Variants in SSTR1 observed in about 807,000 individuals in gnomAD.
SSTR1 encodes somatostatin receptor 1, also known as somatostatin receptor type 1.
Under a neutral mutation model 20.7 loss-of-function variants are expected in SSTR1, and 10 were observed. The observed-to-expected ratio is 0.48, with a 90% CI of 0.30 to 0.82. The LOEUF (loss-of-function observed/expected upper bound fraction) is 0.82. SSTR1 is among the 40% of genes least tolerant of loss of function. SSTR1 has a pLI of 0.07. For missense variants in SSTR1, 494 were observed against 540.0 expected (o/e 0.91, Z 0.84); for synonymous variants, 267 against 227.8 (o/e 1.17, Z -1.55).
At chr14:38,208,666 G>A (rs181688658) in intron 2 of SSTR1, 57 bp downstream of exon 2, 1 of 152,540 alleles carries the variant, frequency 6.6e-6, no homozygotes, top group African/African-American at 2.4e-5. Flanking sequence ...AGCGAGGGTG[G>A]GAAGAGGGAA....
In SSTR1 at chr14:38,210,021, T is replaced by C; in HGVS notation, c.632T>C (p.Leu211Pro). 1.9e-6 allele frequency: 3 copies of C among 1,614,194 alleles called. No homozygotes were observed. Among genetic ancestry groups the C allele is most frequent in the Non-Finnish European group, 2.5e-6 (3 of 1,180,052 alleles). ...GACGGCACGGTGGCTTGCAACATGC[T>C]CATGCCAGAGCCCGCTCAACGCTGG... ...NSDGTVACNM[L>P]MPEPAQRWLV... is the part of the protein sequence containing the mutation. Residue 211 changes from leucine to proline, a missense_variant, in exon 3 of 3, where the codon CTC (leucine) becomes CCC (proline). Leu to Pro is a moderately conservative substitution (Grantham distance 98). Around this residue, in one of 3 missense-constraint regions of SSTR1, gnomAD observed 280 missense variants for 286.1 expected, o/e 0.98. Transcript: ENST00000267377.
Position 38,209,460 on chromosome 14 carries a change from G to A in SSTR1, c.71G>A (p.Gly24Asp), listed in dbSNP as rs757857934. The part of the protein sequence containing the change: ...PSPSPGSCGE[G>D]GGSRGPGAGA... The stretch of plus-strand genomic sequence containing the variant: ...CCCAGCCCGGGCAGCTGCGGCGAAG[G>A]CGGCGGCAGCAGGGGCCCCGGGGCC... The change falls in exon 3 of 3, where the codon GGC becomes GAC. Residue 24 changes from glycine to aspartate, a missense_variant. Transcript: ENST00000267377. 5 of 1,555,610 alleles carry A rather than the reference G, an allele frequency of 3.2e-6. No homozygotes were observed. Among genetic ancestry groups the A allele is most frequent in the Non-Finnish European group, 2.6e-6 (3 of 1,151,870 alleles).
chr14:38,210,283 G>T lies in SSTR1; in HGVS notation c.894G>T (p.Glu298Asp). Residue 298 changes from glutamate to aspartate, a missense_variant, in exon 3 of 3, where the codon GAG becomes GAT. Coordinates refer to ENST00000267377, the MANE Select transcript of SSTR1 (RefSeq NM_001049.3). ...YVVQLVNVFA[E>D]QDDATVSQLS... Reference sequence around the variant, plus strand: ...TGCAGCTGGTCAACGTGTTTGCTGAGCAGGACGACGCCACGGTGAGTCAGC... The same window carrying T: ...TGCAGCTGGTCAACGTGTTTGCTGATCAGGACGACGCCACGGTGAGTCAGC... The T allele has an allele frequency of 6.2e-7, 1 of 1,614,208 alleles. No homozygotes were observed. Among genetic ancestry groups the T allele is most frequent in the Non-Finnish European group, 8.5e-7 (1 of 1,180,024 alleles).
At position 38,209,205 on chromosome 14, in the gene SSTR1, C is replaced by A; in HGVS notation, c.-185C>A. ...GCAAACTGCAGAGCCCAGGCAACCG[C>A]TGGGCTGTGCGCCCCGCCGGCGCCG... On this transcript the variant is annotated 5_prime_UTR_variant, in exon 3 of 3. The change creates a new upstream start codon in the 5' untranslated region. Coordinates refer to ENST00000267377, the MANE Select transcript of SSTR1 (RefSeq NM_001049.3). The A allele has an allele frequency of 1.5e-6, 1 of 669,740 alleles. No individual in the cohort carries two copies. 41.5% of individuals were successfully genotyped at this position (669,740 alleles called of 1,614,324 possible).
At position 38,211,582 on chromosome 14, in the gene SSTR1, G is replaced by A. The variant is rs1883330880; in HGVS notation, c.*1017G>A. On this transcript the variant is annotated 3_prime_UTR_variant, in exon 3 of 3. Coordinates refer to ENST00000267377, the MANE Select transcript of SSTR1 (RefSeq NM_001049.3). ...CGCCTTGGCTTTCTCCCTCACCCAA[G>A]TTTCCGGAGGAGCCGACCTAAAAGT... is the stretch of plus-strand genomic sequence containing the variant. 1 of 167,234 alleles carries A rather than the reference G, an allele frequency of 6.0e-6. No homozygotes were observed. The highest frequency in any genetic ancestry group is 1.9e-4 in the East Asian group (1 of 5,184). The allele number at this position is 167,234 out of a possible 1,614,324, so 10.4% of individuals were successfully genotyped here.
chr14:38,209,635 G>A lies in SSTR1; in HGVS notation c.246G>A (p.Val82=). The change falls in exon 3 of 3, where the codon GTG becomes GTA. Residue 82 remains valine, a synonymous_variant. Transcript: ENST00000267377. ...GTGGGAACTCTATGGTCATCTACGT[G>A]ATCCTGCGCTATGCCAAGATGAAGA... ...GLCGNSMVIY[V]ILRYAKMKTA... The A allele has an allele frequency of 1.2e-6, 2 of 1,614,096 alleles. No individual in the cohort carries two copies. The highest frequency in any genetic ancestry group is 1.7e-6 in the Non-Finnish European group (2 of 1,180,018).
In SSTR1 at chr14:38,210,346, C is replaced by T; in HGVS notation, c.957C>T (p.Asn319=). The T allele has an allele frequency of 6.2e-7, 1 of 1,614,250 alleles. No homozygotes were observed. Among genetic ancestry groups the T allele is most frequent in the Non-Finnish European group, 8.5e-7 (1 of 1,180,052 alleles). ...VILGYANSCA[N]PILYGFLSDN... is the part of the protein sequence containing the mutation. ...TCGGCTATGCCAACAGCTGCGCCAA[C>T]CCCATCCTCTATGGCTTTCTCTCAG... The change falls in exon 3 of 3, where the codon AAC becomes AAT. Residue 319 remains asparagine, a synonymous_variant. Transcript: ENST00000267377.
At position 38,209,652 on chromosome 14, in the gene SSTR1, AGAT is replaced by A. The variant is rs774199997; in HGVS notation, c.266_268del (p.Met89del). The stretch of plus-strand genomic sequence containing the variant: ...ATCTACGTGATCCTGCGCTATGCCA[AGAT>A]GAAGACGGCCACCAACATCTACATC... On this transcript the variant is annotated inframe_deletion, in exon 3 of 3. Transcript: ENST00000267377. 3.1e-6 allele frequency: 5 copies of A among 1,613,984 alleles called. No homozygotes were observed. The East Asian group carries it at 1.1e-4, about 36-fold the overall frequency.
rs1250617467 is a variant in SSTR1 at position 38,209,337 on chromosome 14, G to A, written c.-53G>A. The A allele has an allele frequency of 2.8e-6, 4 of 1,426,526 alleles. No individual in the cohort carries two copies. Among genetic ancestry groups the A allele is most frequent in the Middle Eastern group, 2.5e-4 (1 of 4,014 alleles). The allele number at this position is 1,426,526 out of a possible 1,614,324, so 88.4% of individuals were successfully genotyped here. A position where few individuals can be genotyped will look rare whatever the true frequency, so the allele number is the denominator to read the frequency against. The stretch of plus-strand genomic sequence containing the variant: ...GGGAGGGAGGGCGCAGGCGGCGGGT[G>A]CGCGAGGAGAAAGCCCCAGCCCTGG... On this transcript the variant is annotated 5_prime_UTR_variant, in exon 3 of 3. Coordinates refer to ENST00000267377, the MANE Select transcript of SSTR1 (RefSeq NM_001049.3).
In SSTR1 at chr14:38,210,513, C is replaced by T; in HGVS notation, c.1124C>T (p.Ser375Phe). Residue 375 changes from serine to phenylalanine, a missense_variant, in exon 3 of 3, where the codon TCC becomes TTC. Ser to Phe is a radical substitution (Grantham distance 155). Coordinates refer to ENST00000267377, the MANE Select transcript of SSTR1 (RefSeq NM_001049.3). ...VEDFQPENLESGGVFRNGTCT... is the reference protein window; with the variant it reads ...VEDFQPENLEFGGVFRNGTCT... ...GACTTCCAACCTGAGAACCTGGAGTCCGGCGGCGTCTTCCGTAATGGCACC... is the reference window on the plus strand; with the variant it reads ...GACTTCCAACCTGAGAACCTGGAGTTCGGCGGCGTCTTCCGTAATGGCACC... 3 of 1,611,278 alleles carry T rather than the reference C, an allele frequency of 1.9e-6. No individual in the cohort carries two copies. Among genetic ancestry groups the T allele is most frequent in the Non-Finnish European group, 2.5e-6 (3 of 1,178,608 alleles).
In SSTR1 at chr14:38,210,785, G is replaced by A; in HGVS notation, c.*220G>A. The A allele has an allele frequency of 7.4e-6, 9 of 1,218,622 alleles. No homozygotes were observed. Among genetic ancestry groups the A allele is most frequent in the Non-Finnish European group, 9.9e-6 (9 of 910,902 alleles). The allele number at this position is 1,218,622 out of a possible 1,614,324, so 75.5% of individuals were successfully genotyped here. A position where few individuals can be genotyped will look rare whatever the true frequency, so the allele number is the denominator to read the frequency against. Reference sequence around the variant, plus strand: ...AGTGAGAGCTTTGCTTATAAACTGGGAAGGCTTTCAGGCTACCTTTTTCTG... The same window carrying A: ...AGTGAGAGCTTTGCTTATAAACTGGAAAGGCTTTCAGGCTACCTTTTTCTG... On this transcript the variant is annotated 3_prime_UTR_variant, in exon 3 of 3. Coordinates refer to ENST00000267377, the MANE Select transcript of SSTR1 (RefSeq NM_001049.3).
Position 38,209,555 on chromosome 14 carries a change from G to C in SSTR1, c.166G>C (p.Gly56Arg). The C allele has an allele frequency of 6.2e-7, 1 of 1,608,238 alleles. No homozygotes were observed. The highest frequency in any genetic ancestry group is 8.5e-7 in the Non-Finnish European group (1 of 1,176,266). ...SQNGTLSEGQ[G>R]SAILISFIYS... is the part of the protein sequence containing the mutation. ...GAACGGGACCTTGAGCGAGGGCCAGGGCAGCGCCATCCTGATCTCTTTCAT... is the reference window on the plus strand; with the variant it reads ...GAACGGGACCTTGAGCGAGGGCCAGCGCAGCGCCATCCTGATCTCTTTCAT... The change falls in exon 3 of 3, where the codon GGC becomes CGC. Residue 56 changes from glycine to arginine, a missense_variant. Physicochemically the swap from Gly to Arg is moderately radical, Grantham distance 125. Coordinates refer to ENST00000267377, the MANE Select transcript of SSTR1 (RefSeq NM_001049.3).
chr14:38,210,289 C>A lies in SSTR1; in HGVS notation c.900C>A (p.Asp300Glu). Residue 300 changes from aspartate to glutamate, a missense_variant, in exon 3 of 3, where the codon GAC becomes GAA. This residue lies in a region of SSTR1 where 280 missense variants were observed against 286.1 expected (regional missense o/e 0.98). Transcript: ENST00000267377. ...TGGTCAACGTGTTTGCTGAGCAGGA[C>A]GACGCCACGGTGAGTCAGCTGTCGG... The part of the protein sequence containing the change: ...VQLVNVFAEQ[D>E]DATVSQLSVI... The A allele has an allele frequency of 1.2e-6, 2 of 1,614,180 alleles. No homozygotes were observed. The highest frequency in any genetic ancestry group is 1.3e-5 in the African/African-American group (1 of 75,054).
Position 38,210,403 on chromosome 14 carries a change from A to G in SSTR1, c.1014A>G (p.Leu338=), listed in dbSNP as rs1323815869. The change falls in exon 3 of 3, where the codon CTA becomes CTG. Residue 338 remains leucine (L), a synonymous_variant. Coordinates refer to ENST00000267377, the MANE Select transcript of SSTR1 (RefSeq NM_001049.3). ...TCAAGCGCTCTTTCCAACGCATCCT[A>G]TGCCTCAGCTGGATGGACAACGCCG... is the stretch of plus-strand genomic sequence containing the variant. The part of the protein sequence containing the change: ...DNFKRSFQRI[L]CLSWMDNAAE... 4.3e-6 allele frequency: 7 copies of G among 1,614,190 alleles called. No individual in the cohort carries two copies. The highest frequency in any genetic ancestry group is 3.3e-5 in the Admixed American group (2 of 60,024).
In SSTR1 at chr14:38,209,979, G is replaced by A; in HGVS notation, c.590G>A (p.Arg197His). 2 of 1,614,016 alleles carry A rather than the reference G, an allele frequency of 1.2e-6. No homozygotes were observed. Among genetic ancestry groups the A allele is most frequent in the Non-Finnish European group, 1.7e-6 (2 of 1,180,040 alleles). ...ATCCTGCCCATCGTGGTCTTCTCTC[G>A]CACCGCGGCCAACAGCGACGGCACG... ...LVILPIVVFS[R>H]TAANSDGTVA... is the part of the protein sequence containing the mutation. Residue 197 changes from arginine (R) to histidine (H), a missense_variant, in exon 3 of 3, where the codon CGC becomes CAC. Physicochemically the swap from Arg to His is conservative, Grantham distance 29. Coordinates refer to ENST00000267377, the MANE Select transcript of SSTR1 (RefSeq NM_001049.3).
rs1408322231 is a variant in SSTR1, at chr14:38,210,927, G to T, written c.*362G>T. The T allele has an allele frequency of 4.3e-6, 1 of 233,020 alleles. No homozygotes were observed. The highest frequency in any genetic ancestry group is 2.3e-5 in the African/African-American group (1 of 43,412). The allele number at this position is 233,020 out of a possible 1,614,324, so 14.4% of individuals were successfully genotyped here. On this transcript the variant is annotated 3_prime_UTR_variant, in exon 3 of 3. Transcript: ENST00000267377. ...GCACCGTCCCGCCAGTGCAGATCAC[G>T]AACTCATTAACAACTCATTCTGATC...
chr14:38,210,829 C>G lies in SSTR1; in HGVS notation c.*264C>G. On this transcript the variant is annotated 3_prime_UTR_variant, in exon 3 of 3. Coordinates refer to ENST00000267377, the MANE Select transcript of SSTR1 (RefSeq NM_001049.3). ...TTTTCTGGGTCTCCCACTTTCTGTT[C>G]CTTCCTCCACTGCGCTTACTCCTCT... 1.4e-6 allele frequency: 1 copy of G among 722,486 alleles called. No homozygotes were observed. Among genetic ancestry groups the G allele is most frequent in the South Asian group, 2.6e-5 (1 of 38,242 alleles). The allele number at this position is 722,486 out of a possible 1,614,324, so 44.8% of individuals were successfully genotyped here. A position where few individuals can be genotyped will look rare whatever the true frequency, so the allele number is the denominator to read the frequency against.
chr14:38,212,453 T>C lies in SSTR1; in HGVS notation c.*1888T>C, dbSNP rs1883348698. The stretch of plus-strand genomic sequence containing the variant: ...TTCCAGCAGAGGTGATTCTTACATA[T>C]GATCCAGTTAACATCATCACTTTTT... On this transcript the variant is annotated 3_prime_UTR_variant, in exon 3 of 3. Transcript: ENST00000267377. 2 of 167,102 alleles carry C rather than the reference T, an allele frequency of 1.2e-5. No homozygotes were observed. Among genetic ancestry groups the C allele is most frequent in the African/African-American group, 2.4e-5 (1 of 41,458 alleles). 10.4% of individuals were successfully genotyped at this position (167,102 alleles called of 1,614,324 possible). A position where few individuals can be genotyped will look rare whatever the true frequency, so the allele number is the denominator to read the frequency against.
rs975357021 is a variant in SSTR1, at chr14:38,210,763, G to A, written c.*198G>A. ...AAAGGCGCGCGACAATGGTAGAAGT[G>A]AGAGCTTTGCTTATAAACTGGGAAG... On this transcript the variant is annotated 3_prime_UTR_variant, in exon 3 of 3. Coordinates refer to ENST00000267377, the MANE Select transcript of SSTR1 (RefSeq NM_001049.3). 1.1e-5 allele frequency: 15 copies of A among 1,336,908 alleles called. No homozygotes were observed. In the African/African-American group the frequency reaches 2.1e-4, roughly 19 times the overall value. The allele number at this position is 1,336,908 out of a possible 1,614,324, so 82.8% of individuals were successfully genotyped here.
Sources: allele counts gnomAD v4.1 joint callset, GRCh38; gene constraint gnomAD v4.1.1; regional missense constraint gnomAD v4.1.1; transcripts MANE v1.5; gene names NCBI Gene and HGNC (gene_info 2026-07-23, HGNC 2026-07-21).